The following RAPGEF4 variants were observed in gnomAD, a reference collection of about 807,000 sequenced individuals.
The protein encoded by RAPGEF4 is RAP guanine-nucleotide-exchange factor (GEF) 4.
In RAPGEF4, 66 loss-of-function variants were observed where a neutral mutation model predicts 147.9. That is an observed-to-expected ratio of 0.45 (90% CI 0.37 to 0.55). The LOEUF (loss-of-function observed/expected upper bound fraction) is 0.55. Ranked by LOEUF, RAPGEF4 falls within the 20% of genes least tolerant of loss-of-function variation. RAPGEF4 has a pLI of 0.00. For synonymous variants in RAPGEF4, 419 were observed against 442.7 expected, an observed-to-expected ratio of 0.95 and a Z score of 0.67; for missense variants, 1,071 against 1,257.3, an observed-to-expected ratio of 0.85 and a Z score of 2.24.
At chr2:172,931,172 T>TTG (rs112366465) in intron 6 of RAPGEF4, among the ~76,000 whole-genome samples, 7 of 6,376 alleles carry the variant, frequency 1.1e-3, no homozygotes, top group African/African-American at 2.2e-3. Context: ...CAGGCCGGGG[T>TTG]GGGGGGGGGG....
chr2:173,028,295 T>C (rs908576517), intron 25 of RAPGEF4, among the ~76,000 whole-genome samples: 2 of 152,234 alleles, frequency 1.3e-5, no homozygotes, highest in South Asian at 4.1e-4. Flanking sequence ...ACTTCCCTGG[T>C]AGTCTGCACA....
intron 3 of RAPGEF4, among the ~76,000 whole-genome samples, chr2:172,799,102 G>T (rs1686701676): frequency 6.6e-6 from 1 of 152,264 alleles, no homozygotes; most frequent in African/African-American, 2.4e-5. Context: ...GCATTTCTTG[G>T]ATATTTGCCA....
At chr2:172,866,934 T>C (rs1694715375) in intron 4 of RAPGEF4, among the ~76,000 whole-genome samples, 1 of 151,676 alleles carries the variant, frequency 6.6e-6, no homozygotes, top group Admixed American at 6.6e-5. Context: ...GAAAGTCTTT[T>C]CTATCTCAAA....
intron 6 of RAPGEF4, among the ~76,000 whole-genome samples, chr2:172,938,923 A>C (rs73977734): frequency 2.3e-3 from 351 of 152,356 alleles, no homozygotes; most frequent in African/African-American, 7.5e-3. Flanking sequence ...CATATAAATG[A>C]CATCATGCGG....
At position 172,988,796 on chromosome 2, in the gene RAPGEF4, A is replaced by G; in HGVS notation, c.1331A>G (p.His444Arg). The G allele has an allele frequency of 6.2e-7, 1 of 1,613,928 alleles. No individual in the cohort carries two copies. The highest frequency in any genetic ancestry group is 8.5e-7 in the Non-Finnish European group (1 of 1,179,794). Residue 444 changes from histidine to arginine, a missense_variant, in exon 14 of 31, where the codon CAT becomes CGT. Coordinates refer to ENST00000397081, the MANE Select transcript of RAPGEF4 (RefSeq NM_007023.4). ...ASIVLREDNC[H>R]FLRVDKEDFN... ...ATCGTCTTACGAGAAGATAACTGCC[A>G]TTTCTTAAGAGTAGACAAGGAGGAT...
intron 15 of RAPGEF4, among the ~76,000 whole-genome samples, chr2:172,991,150 T>C (rs778504121): frequency 7.2e-5 from 11 of 152,194 alleles, no homozygotes; most frequent in Non-Finnish European, 1.5e-4. Flanking sequence ...AGAATATTCC[T>C]TTACTCTAAA....
In RAPGEF4 at chr2:173,052,705, T is replaced by G. The variant is rs1464130157; in HGVS notation, c.*938T>G. On this transcript the variant is annotated 3_prime_UTR_variant, in exon 31 of 31. Coordinates refer to ENST00000397081, the MANE Select transcript of RAPGEF4 (RefSeq NM_007023.4). ...CATTCAATCAATGGTATGGAGTTATTTATTTGCTACATAATAGATACTGTG... is the reference window on the plus strand; with the variant it reads ...CATTCAATCAATGGTATGGAGTTATGTATTTGCTACATAATAGATACTGTG... 2 of 152,770 alleles carry G rather than the reference T, an allele frequency of 1.3e-5. No individual in the cohort carries two copies. Among genetic ancestry groups the G allele is most frequent in the African/African-American group, 4.8e-5 (2 of 41,578 alleles). The allele number at this position is 152,770 out of a possible 1,614,324, so 9.5% of individuals were successfully genotyped here. A position where few individuals can be genotyped will look rare whatever the true frequency, so the allele number is the denominator to read the frequency against.
intron 10 of RAPGEF4, among the ~76,000 whole-genome samples, chr2:172,968,544 G>A (rs1575401971): frequency 6.6e-6 from 1 of 151,988 alleles, no homozygotes; most frequent in East Asian, 1.9e-4. Context: ...TTTCTCATGG[G>A]TCTGACTCTC....
At chr2:173,003,379 G>A (rs1378940706) in intron 17 of RAPGEF4, among the ~76,000 whole-genome samples, 3 of 152,148 alleles carry the variant, frequency 2.0e-5, no homozygotes, top group Non-Finnish European at 2.9e-5. Context: ...GTAGACGGGG[G>A]AATCCAGGGT....
At chr2:173,018,569 G>A in intron 21 of RAPGEF4, 87 bp from the exon 22 acceptor site, 1 of 1,414,596 alleles carries the variant, frequency 7.1e-7, no homozygotes, top group Admixed American at 2.1e-5. Flanking sequence ...ATGCAAATTG[G>A]AGAGGATGCC....
intron 6 of RAPGEF4, among the ~76,000 whole-genome samples, chr2:172,945,162 G>T (rs1342632564): frequency 6.6e-6 from 1 of 152,056 alleles, no homozygotes; most frequent in Non-Finnish European, 1.5e-5. Flanking sequence ...GATGATAAAA[G>T]AAAACAAAAC....
At position 172,842,292 on chromosome 2, in the gene RAPGEF4, G is replaced by T. The variant is rs185745151; in HGVS notation, c.444+27867G>T. 1.8e-4 allele frequency among the ~76,000 whole-genome samples: 28 copies of T among 152,346 alleles called. No homozygotes were observed. The East Asian group carries it at 5.4e-3, about 29-fold the overall frequency. On this transcript the variant is annotated intron_variant, in intron 4 of 30. Coordinates refer to ENST00000397081, the MANE Select transcript of RAPGEF4 (RefSeq NM_007023.4). ...CTTTGAGGTGAACTTCATGAAGGAG[G>T]TGAAGTCTATACTGACTGGGCTTTG...
intron 4 of RAPGEF4, among the ~76,000 whole-genome samples, chr2:172,873,411 A>G (rs1380839481): frequency 6.6e-6 from 1 of 152,214 alleles, no homozygotes; most frequent in Non-Finnish European, 1.5e-5. Context: ...CATCCATATT[A>G]TAACCTTGGC....
Position 172,983,498 on chromosome 2 carries a change from C to A in RAPGEF4, c.1007C>A (p.Pro336His), listed in dbSNP as rs768385021. 4.4e-6 allele frequency: 7 copies of A among 1,604,458 alleles called. No homozygotes were observed. Among genetic ancestry groups the A allele is most frequent in the African/African-American group, 4.1e-5 (3 of 74,020 alleles). Residue 336 changes from proline (P) to histidine (H), a missense_variant and splice_region_variant, in exon 11 of 31, where the codon CCT becomes CAT. Coordinates refer to ENST00000397081, the MANE Select transcript of RAPGEF4 (RefSeq NM_007023.4). Reference protein sequence around the residue: ...AHMRMILRKPPGQRTVDDLEI... With the variant: ...AHMRMILRKPHGQRTVDDLEI... ...TTTTTTTTTTTTTATCTTTGTAGAC[C>A]TGGCCAGAGGACTGTGGATGACCTA...
intron 6 of RAPGEF4, among the ~76,000 whole-genome samples, chr2:172,949,741 G>A (rs1261443667): frequency 6.6e-6 from 1 of 152,154 alleles, no homozygotes; most frequent in African/African-American, 2.4e-5. Flanking sequence ...CAAATCAGAT[G>A]AGCACAACAG....
intron 4 of RAPGEF4, among the ~76,000 whole-genome samples, chr2:172,898,724 C>T (rs1254437080): frequency 6.6e-6 from 1 of 152,158 alleles, no homozygotes; most frequent in African/African-American, 2.4e-5. Context: ...AGTCCCTCAC[C>T]TGGTTGCCCT....
intron 4 of RAPGEF4, among the ~76,000 whole-genome samples, chr2:172,864,315 C>T (rs2149788016): frequency 6.6e-6 from 1 of 152,274 alleles, no homozygotes; most frequent in Non-Finnish European, 1.5e-5. Flanking sequence ...GAAGGGAGCA[C>T]TGGACATTGA....
At chr2:172,740,313 A>G (rs181323065) in intron 1 of RAPGEF4, among the ~76,000 whole-genome samples, 15 of 152,348 alleles carry the variant, frequency 9.8e-5, no homozygotes, top group African/African-American at 3.1e-4. Flanking sequence ...GGTTGGAGAA[A>G]GGTTCTCAGT....
chr2:173,047,299 A>G (rs1190614802), intron 29 of RAPGEF4, among the ~76,000 whole-genome samples: 1 of 152,206 alleles, frequency 6.6e-6, no homozygotes. Flanking sequence ...TTTGTTTTTA[A>G]TTGAGCTCAG....
Sources: allele counts gnomAD v4.1 joint callset (sites outside exome capture counted in the v4.1 genomes callset), GRCh38; gene constraint gnomAD v4.1.1; transcripts MANE v1.5; gene names NCBI Gene and HGNC (gene_info 2026-07-23, HGNC 2026-07-21).